AHCY: variants seen among roughly 807,000 people sequenced by gnomAD.
AHCY encodes the protein adenosylhomocysteinase.
In AHCY, 24 loss-of-function variants were observed where a neutral mutation model predicts 45.4. The observed-to-expected ratio is 0.53, with a 90% CI of 0.38 to 0.74. The LOEUF is 0.74. Ranked by LOEUF, AHCY falls within the 30% of genes least tolerant of loss-of-function variation. The pLI is 0.00. For missense variants in AHCY, 449 were observed against 594.1 expected (o/e 0.76, Z 2.54); for synonymous variants, 245 against 235.1 (o/e 1.04, Z -0.39).
chr20:34,237,724 G>T, the AHCY span, among the ~76,000 whole-genome samples: 1 of 152,126 alleles, frequency 6.6e-6, no homozygotes, highest in Non-Finnish European at 1.5e-5. Context: ...TCTTTGTCTT[G>T]TTCTTGATGT....
At chr20:34,310,635 G>A (rs2036938335) in intron 1 of AHCY, among the ~76,000 whole-genome samples, 1 of 152,190 alleles carries the variant, frequency 6.6e-6, no homozygotes, top group Non-Finnish European at 1.5e-5. Context: ...TCCTTCCATG[G>A]AAGACTTGTT....
chr20:34,263,327 G>T, the AHCY span, among the ~76,000 whole-genome samples: 196 of 152,338 alleles, frequency 1.3e-3, 10 homozygotes, highest in South Asian at 0.039. Flanking sequence ...CACTTTGGGA[G>T]GCCAAGGTGG....
chr20:34,248,675 C>T, the AHCY span, among the ~76,000 whole-genome samples: 1 of 151,920 alleles, frequency 6.6e-6, no homozygotes, highest in Non-Finnish European at 1.5e-5. Flanking sequence ...TGGCTCACAC[C>T]TGTAGTCTCA....
the AHCY span, among the ~76,000 whole-genome samples, chr20:34,257,070 C>CTTTTTTTTTTTTTTTTT: frequency 2.8e-4 from 39 of 139,372 alleles, no homozygotes; most frequent in African/African-American, 6.3e-4. Flanking sequence ...CTTTCTTTCT[C>CTTTTTTTTTTTTTTTTT]TTTTTTTTTT....
chr20:34,288,233 G>A (rs896371949), intron 8 of AHCY, among the ~76,000 whole-genome samples: 1 of 152,340 alleles, frequency 6.6e-6, no homozygotes, highest in East Asian at 1.9e-4. Flanking sequence ...AGAGCTGCCT[G>A]TCTGCCTCTC....
At chr20:34,255,533 T>C in the AHCY span, among the ~76,000 whole-genome samples, 1 of 152,168 alleles carries the variant, frequency 6.6e-6, no homozygotes, top group Non-Finnish European at 1.5e-5. Context: ...AGAAAATATA[T>C]AGAATAAGAA....
At chr20:34,268,356 C>G in the AHCY span, among the ~76,000 whole-genome samples, 1 of 152,026 alleles carries the variant, frequency 6.6e-6, no homozygotes. Flanking sequence ...TAACAGGGGT[C>G]GGAGAGGCAA....
At chr20:34,253,495 C>T in the AHCY span, among the ~76,000 whole-genome samples, 5 of 149,918 alleles carry the variant, frequency 3.3e-5, no homozygotes, top group Non-Finnish European at 5.9e-5. Flanking sequence ...TTTTTAGAGA[C>T]AGAGTCTTGC....
chr20:34,256,119 G>A, the AHCY span, among the ~76,000 whole-genome samples: 1 of 152,230 alleles, frequency 6.6e-6, no homozygotes, highest in African/African-American at 2.4e-5. Context: ...TCTTTGAAAT[G>A]CATAGAAGAA....
At chr20:34,298,605 C>CGGGGG (rs1469112892) in intron 1 of AHCY, among the ~76,000 whole-genome samples, 9 of 31,278 alleles carry the variant, frequency 2.9e-4, no homozygotes, top group South Asian at 3.4e-3. Context: ...GTGGCGGCGG[C>CGGGGG]GGGAGGGGGG....
upstream of AHCY, among the ~76,000 whole-genome samples, chr20:34,304,036 G>A (rs777807561): frequency 1.1e-4 from 17 of 152,124 alleles, no homozygotes; most frequent in South Asian, 4.1e-4. Flanking sequence ...CATTTGTCAG[G>A]TACCTACTGA....
At chr20:34,293,565 C>T in intron 3 of AHCY, 1 of 261,288 alleles carries the variant, frequency 3.8e-6, no homozygotes, top group Non-Finnish European at 7.5e-6. Flanking sequence ...GTGCCACCCC[C>T]TCCTGTCCAC....
At chr20:34,308,195 A>G (rs2036914765), upstream of AHCY, among the ~76,000 whole-genome samples, 1 of 152,050 alleles carries the variant, frequency 6.6e-6, no homozygotes, top group Admixed American at 6.6e-5. Flanking sequence ...TATCCAGTCT[A>G]CCATTAATGG....
intron 1 of AHCY, chr20:34,302,734 G>A (rs1258694587): frequency 2.0e-6 from 2 of 989,618 alleles, no homozygotes; most frequent in Non-Finnish European, 1.2e-6. Flanking sequence ...CTGGCCCAAA[G>A]TCCCAGGGGA....
chr20:34,269,032 C>G, the AHCY span: 195 of 1,607,510 alleles, frequency 1.2e-4, 2 homozygotes, highest in Middle Eastern at 1.2e-3. Context: ...CCCGGACCCC[C>G]CTATCTGCGC....
chr20:34,302,760 C>T, intron 1 of AHCY: 9 of 991,752 alleles, frequency 9.1e-6, no homozygotes, highest in Non-Finnish European at 1.1e-5. Flanking sequence ...GGATCGGAGC[C>T]GGCCTGGGGC....
chr20:34,268,671 T>C, the AHCY span, among the ~76,000 whole-genome samples: 3 of 151,448 alleles, frequency 2.0e-5, no homozygotes, highest in African/African-American at 7.3e-5. Flanking sequence ...GAGATCGAGA[T>C]TGCAGTGAGC....
the AHCY span, among the ~76,000 whole-genome samples, chr20:34,258,703 T>TATATATATATATATATAC: frequency 1.0e-5 from 1 of 95,262 alleles, no homozygotes; most frequent in Non-Finnish European, 2.0e-5. Flanking sequence ...ATACTATATA[T>TATATATATATATATATAC]ATATATTATA....
At position 34,290,181 on chromosome 20, in the gene AHCY, G is replaced by A; in HGVS notation, c.972+151C>T. ...GGATGCCGGCTGCCCACAGGATAAGGTTGCCACGTCTGGCTGGCTCTGATG... is the reference window on the plus strand; with the variant it reads ...GGATGCCGGCTGCCCACAGGATAAGATTGCCACGTCTGGCTGGCTCTGATG... On this transcript the variant is annotated intron_variant, in intron 8 of 9. Coordinates refer to ENST00000217426, the MANE Select transcript of AHCY (RefSeq NM_000687.4). The surrounding 1 kb of genome is among the most constrained non-coding windows in gnomAD (Gnocchi z 4.5). The A allele has an allele frequency of 1.2e-6, 1 of 803,380 alleles. No individual in the cohort carries two copies. The highest frequency in any genetic ancestry group is 1.4e-5 in the South Asian group (1 of 73,116). The allele number at this position is 803,380 out of a possible 1,614,324, so 49.8% of individuals were successfully genotyped here.
Sources: gnomAD v4.1 joint callset for allele counts (sites outside exome capture counted in the v4.1 genomes callset) on GRCh38, gnomAD v4.1.1 for gene constraint, Gnocchi (gnomAD v3.1) non-coding constraint, MANE v1.5 for transcripts, NCBI Gene and HGNC (gene_info 2026-07-23, HGNC 2026-07-21) for gene names.